The following CAT variants were observed in gnomAD, a reference collection of about 807,000 sequenced individuals.
CAT encodes the protein epididymis secretory sperm binding protein.
A neutral mutation model predicts 59.0 loss-of-function variants in CAT; 43 were observed. The ratio of observed to expected loss-of-function variants is 0.73; its 90% CI spans 0.57 to 0.94. The LOEUF (loss-of-function observed/expected upper bound fraction) is 0.94. CAT is among the 40% of genes least tolerant of loss of function. The probability of loss-of-function intolerance (pLI) is 0.00; values close to 1 mark genes in which losing one functional copy is unlikely to be tolerated. For missense variants in CAT, 664 were observed against 682.9 expected (o/e 0.97, Z 0.31); for synonymous variants, 218 against 230.9 (o/e 0.94, Z 0.51).
In CAT at chr11:34,452,116, G is replaced by A. The variant is rs368992856; in HGVS notation, c.389G>A (p.Arg130His). The A allele has an allele frequency of 1.2e-5, 19 of 1,613,808 alleles. No homozygotes were observed. In the African/African-American group the frequency reaches 1.3e-4, roughly 11 times the overall value. The change falls in exon 4 of 13, where the codon CGT becomes CAT. Residue 130 changes from arginine to histidine, a missense_variant. By Grantham distance (29) the Arg-to-His change is conservative (BLOSUM62 0). Transcript: ENST00000241052. ...TCAGCTGACACAGTTCGGGACCCTC[G>A]TGGGTTTGCAGTGAAATTTTACACA... is the stretch of plus-strand genomic sequence containing the variant. ...SGSADTVRDP[R>H]GFAVKFYTED...
chr11:34,467,736 T>G (rs1302726768), intron 10 of CAT, among the ~76,000 whole-genome samples: 1 of 152,210 alleles, frequency 6.6e-6, no homozygotes. Context: ...TATGGATATT[T>G]ATTTTAGAGG....
intron 8 of CAT, among the ~76,000 whole-genome samples, chr11:34,460,446 C>CTTTTTTTTTTTT (rs149180752): frequency 1.2e-5 from 1 of 84,534 alleles, no homozygotes; most frequent in Non-Finnish European, 2.2e-5. Flanking sequence ...GTGGGCGGTA[C>CTTTTTTTTTTTT]TTTTTTTTTT....
intron 9 of CAT, among the ~76,000 whole-genome samples, chr11:34,462,578 C>T (rs571980246): frequency 5.9e-5 from 9 of 152,216 alleles, no homozygotes; most frequent in African/African-American, 1.4e-4. Context: ...AGTGTGCCAC[C>T]ACGCCAGCTA....
In CAT at chr11:34,456,694, CCCAGTTGGTAAA is replaced by C. The variant is rs760627725; in HGVS notation, c.935_946del (p.Pro312_Lys315del). 2 of 1,613,738 alleles carry C rather than the reference CCCAGTTGGTAAA, an allele frequency of 1.2e-6. No individual in the cohort carries two copies. Among genetic ancestry groups the C allele is most frequent in the Non-Finnish European group, 1.7e-6 (2 of 1,179,632 alleles). On this transcript the variant is annotated inframe_deletion, in exon 8 of 13. Coordinates refer to ENST00000241052, the MANE Select transcript of CAT (RefSeq NM_001752.4). ...GGCCTCACAAGGACTACCCTCTCAT[CCCAGTTGGTAAA>C]CTGGTCTTAAACCGGAATCCAGTTA...
intron 9 of CAT, among the ~76,000 whole-genome samples, chr11:34,463,662 C>T (rs1181958646): frequency 1.3e-5 from 2 of 152,194 alleles, no homozygotes; most frequent in African/African-American, 4.8e-5. Context: ...AGATTTCCCT[C>T]AAGAATTTTG....
intron 6 of CAT, among the ~76,000 whole-genome samples, chr11:34,455,213 C>T (rs897902924): frequency 7.2e-5 from 11 of 152,256 alleles, no homozygotes; most frequent in African/African-American, 2.6e-4. Flanking sequence ...AGAGTTCAAA[C>T]CTTTTCACTG....
In CAT at chr11:34,450,990, G is replaced by A; in HGVS notation, c.241G>A (p.Ala81Thr). Residue 81 changes from alanine (A) to threonine (T), a missense_variant and splice_region_variant, in exon 3 of 13, where the codon GCC becomes ACC. Coordinates refer to ENST00000241052, the MANE Select transcript of CAT (RefSeq NM_001752.4). ...GATTTCTGTGTCTTTCTCGTTAGGGGCCTTTGGCTACTTTGAGGTCACACA... is the reference window on the plus strand; with the variant it reads ...GATTTCTGTGTCTTTCTCGTTAGGGACCTTTGGCTACTTTGAGGTCACACA... The part of the protein sequence containing the change: ...ERVVHAKGAG[A>T]FGYFEVTHDI... 1 of 1,602,126 alleles carries A rather than the reference G, an allele frequency of 6.2e-7. No homozygotes were observed. Among genetic ancestry groups the A allele is most frequent in the Non-Finnish European group, 8.6e-7 (1 of 1,169,094 alleles).
chr11:34,453,789 T>G lies in CAT; in HGVS notation c.586-12T>G. On this transcript the variant is annotated splice_polypyrimidine_tract_variant and intron_variant, in intron 5 of 12. Transcript: ENST00000241052. ...ATGAAAACATTTTAGGCTTTATATT[T>G]CTGTTCTTTAGGTTTCTTTCTTGTT... is the stretch of plus-strand genomic sequence containing the variant. 1 of 1,611,718 alleles carries G rather than the reference T, an allele frequency of 6.2e-7. No homozygotes were observed. Among genetic ancestry groups the G allele is most frequent in the Non-Finnish European group, 8.5e-7 (1 of 1,177,916 alleles).
chr11:34,452,510 C>T (rs1000343), intron 4 of CAT, among the ~76,000 whole-genome samples: 3,278 of 152,110 alleles, frequency 0.022, 124 homozygotes, highest in African/African-American at 0.076. Context: ...GAGGGTGTCT[C>T]TACATGCTCT....
intron 4 of CAT, among the ~76,000 whole-genome samples, 176 bp downstream of exon 4, chr11:34,452,383 C>A (rs1213403606): frequency 6.6e-6 from 1 of 152,058 alleles, no homozygotes; most frequent in Non-Finnish European, 1.5e-5. Flanking sequence ...AGAACAGTTA[C>A]CATTGGTCTT....
At chr11:34,452,958 T>C in intron 4 of CAT, 132 bp from the exon 5 acceptor site, 1 of 691,358 alleles carries the variant, frequency 1.4e-6, no homozygotes, top group Non-Finnish European at 2.6e-6. Context: ...TATTATGGTT[T>C]GGCAGTTTAA....
In CAT at chr11:34,468,578, G is replaced by A. The variant is rs560803559; in HGVS notation, c.1434+183G>A. 1.7e-4 allele frequency: 111 copies of A among 637,394 alleles called. 1 individual carries two copies. In the African/African-American group the frequency reaches 1.8e-3, roughly 11 times the overall value. 39.5% of individuals were successfully genotyped at this position (637,394 alleles called of 1,614,324 possible). A position where few individuals can be genotyped will look rare whatever the true frequency, so the allele number is the denominator to read the frequency against. ...TTATTTTCTTTCCATGTTTTATCTGGTCTGGCATATCCATCGTCCTTAGCT... is the reference window on the plus strand; with the variant it reads ...TTATTTTCTTTCCATGTTTTATCTGATCTGGCATATCCATCGTCCTTAGCT... On this transcript the variant is annotated intron_variant, in intron 11 of 12. Coordinates refer to ENST00000241052, the MANE Select transcript of CAT (RefSeq NM_001752.4).
intron 12 of CAT, 89 bp downstream of exon 12, chr11:34,471,130 C>T: frequency 8.9e-7 from 1 of 1,119,804 alleles, no homozygotes; most frequent in East Asian, 2.3e-5. Context: ...TTACAGTCTG[C>T]AGGGGCCATT....
rs1856492039 is a variant in CAT at position 34,449,196 on chromosome 11, C to T, written c.71C>T (p.Ala24Val). ...TTTCTTTCTGTGTTCCTGTAGAAAG[C>T]TGATGTCCTGACCACTGGAGCTGGT... The part of the protein sequence containing the change: ...HWKEQRAAQK[A>V]DVLTTGAGNP... Residue 24 changes from alanine (A) to valine (V), a missense_variant, in exon 2 of 13, where the codon GCT (alanine) becomes GTT (valine). Coordinates refer to ENST00000241052, the MANE Select transcript of CAT (RefSeq NM_001752.4). The T allele has an allele frequency of 1.9e-6, 3 of 1,614,032 alleles. No homozygotes were observed. Among genetic ancestry groups the T allele is most frequent in the Middle Eastern group, 1.7e-4 (1 of 6,060 alleles).
intron 8 of CAT, chr11:34,460,930 TC>T (rs1250065957): frequency 2.7e-6 from 1 of 373,060 alleles, no homozygotes; most frequent in Middle Eastern, 8.4e-4. Context: ...ATGCAATACT[TC>T]CTTGGGAATA....
intron 11 of CAT, among the ~76,000 whole-genome samples, chr11:34,469,550 T>A (rs1401403315): frequency 6.6e-6 from 1 of 152,216 alleles, no homozygotes; most frequent in African/African-American, 2.4e-5. Context: ...TGGGCCCGTT[T>A]CTCAATGTAA....
At chr11:34,448,891 G>A (rs1359692532) in intron 1 of CAT, among the ~76,000 whole-genome samples, 1 of 152,148 alleles carries the variant, frequency 6.6e-6, no homozygotes, top group South Asian at 2.1e-4. Context: ...TGGGAGCTTT[G>A]CAGAACCCAG....
intron 9 of CAT, 123 bp from the exon 10 acceptor site, chr11:34,463,982 A>G (rs1856683025): frequency 1.1e-6 from 1 of 934,210 alleles, no homozygotes; most frequent in Admixed American, 1.7e-5. Context: ...TTGTGTTTAT[A>G]TCTGTGTATG....
chr11:34,446,113 A>G (rs943794003), intron 1 of CAT, among the ~76,000 whole-genome samples: 2 of 152,110 alleles, frequency 1.3e-5, no homozygotes, highest in Non-Finnish European at 2.9e-5. Context: ...TTCAGTTTAG[A>G]TCAGTTCCTC....
Sources: allele counts gnomAD v4.1 joint callset (sites outside exome capture counted in the v4.1 genomes callset), GRCh38; gene constraint gnomAD v4.1.1; transcripts MANE v1.5; gene names NCBI Gene and HGNC (gene_info 2026-07-23, HGNC 2026-07-21).